CACNA2D3: variants seen among roughly 807,000 people sequenced by gnomAD.
CACNA2D3 encodes voltage-dependent calcium channel subunit alpha-2/delta-3.
Under a neutral mutation model 160.6 loss-of-function variants are expected in CACNA2D3, and 60 were observed. The observed-to-expected ratio is 0.37, with a 90% CI of 0.30 to 0.46. The LOEUF (loss-of-function observed/expected upper bound fraction) is 0.46. Among genes scored for constraint, CACNA2D3 ranks in the 20% least tolerant of loss-of-function variants. CACNA2D3 has a pLI of 1.00. For synonymous variants in CACNA2D3, 558 were observed against 492.9 expected, an observed-to-expected ratio of 1.13 and a Z score of -1.75; for missense variants, 1,205 against 1,365.0, an observed-to-expected ratio of 0.88 and a Z score of 1.85.
chr3:54,814,222 A>G (rs971886064), intron 13 of CACNA2D3, among the ~76,000 whole-genome samples: 4 of 152,178 alleles, frequency 2.6e-5, no homozygotes, highest in Non-Finnish European at 4.4e-5. Flanking sequence ...ATCCTTCTCA[A>G]CATAGCCCTT....
chr3:54,674,521 G>C (rs969884404), intron 11 of CACNA2D3, among the ~76,000 whole-genome samples: 3 of 152,192 alleles, frequency 2.0e-5, no homozygotes, highest in Non-Finnish European at 4.4e-5. Context: ...AATTTAAAGT[G>C]GGACTGGCCA....
At chr3:54,562,025 A>G (rs1056901793) in intron 5 of CACNA2D3, among the ~76,000 whole-genome samples, 10 of 152,168 alleles carry the variant, frequency 6.6e-5, no homozygotes, top group African/African-American at 2.2e-4. Context: ...CAGCACAGGA[A>G]AGACCTGCCC....
At chr3:54,842,068 T>G (rs1231572293) in intron 16 of CACNA2D3, among the ~76,000 whole-genome samples, 1 of 152,250 alleles carries the variant, frequency 6.6e-6, no homozygotes, top group Non-Finnish European at 1.5e-5. Flanking sequence ...AAAACTAATG[T>G]TGGACTTCGT....
intron 3 of CACNA2D3, among the ~76,000 whole-genome samples, chr3:54,372,333 T>G (rs900743141): frequency 6.6e-6 from 1 of 152,144 alleles, no homozygotes; most frequent in African/African-American, 2.4e-5. Context: ...AGAGGGTGGG[T>G]GGCAGAGAGG....
At chr3:54,169,292 AG>A (rs1387859217) in intron 2 of CACNA2D3, among the ~76,000 whole-genome samples, 1 of 152,220 alleles carries the variant, frequency 6.6e-6, no homozygotes, top group African/African-American at 2.4e-5. Context: ...TGCCTACCAC[AG>A]GGCTGTGGCC....
chr3:54,141,810 T>G (rs559023056), intron 2 of CACNA2D3, among the ~76,000 whole-genome samples: 1 of 152,354 alleles, frequency 6.6e-6, no homozygotes, highest in South Asian at 2.1e-4. Flanking sequence ...CTGAATTTGA[T>G]AATTTTATCC....
chr3:54,185,049 G>C (rs2107327775), intron 2 of CACNA2D3, among the ~76,000 whole-genome samples: 1 of 152,324 alleles, frequency 6.6e-6, no homozygotes, highest in South Asian at 2.1e-4. Flanking sequence ...TATGTTTCCT[G>C]TAAGTTCTGT....
chr3:54,806,443 CTCAT>C (rs1443036076), intron 13 of CACNA2D3, among the ~76,000 whole-genome samples: 1 of 152,182 alleles, frequency 6.6e-6, no homozygotes, highest in Non-Finnish European at 1.5e-5. Flanking sequence ...TGAGTGAACT[CTCAT>C]TCACAATTGC....
intron 13 of CACNA2D3, among the ~76,000 whole-genome samples, chr3:54,770,611 C>T (rs1407438449): frequency 1.3e-5 from 2 of 152,086 alleles, no homozygotes; most frequent in African/African-American, 2.4e-5. Context: ...GTCAGTTAAG[C>T]GCCCTTGGCA....
chr3:55,001,401 G>A (rs1702977058), intron 31 of CACNA2D3, among the ~76,000 whole-genome samples: 1 of 152,208 alleles, frequency 6.6e-6, no homozygotes, highest in Admixed American at 6.5e-5. Context: ...TATAACAGCA[G>A]CTATAGCTCT....
At chr3:54,548,759 G>A (rs1702106100) in intron 5 of CACNA2D3, among the ~76,000 whole-genome samples, 1 of 152,198 alleles carries the variant, frequency 6.6e-6, no homozygotes, top group South Asian at 2.1e-4. Context: ...CTGTGGGCAG[G>A]ACTTGCAAGT....
intron 2 of CACNA2D3, among the ~76,000 whole-genome samples, chr3:54,125,530 C>T (rs1036173268): frequency 2.6e-5 from 4 of 152,130 alleles, no homozygotes; most frequent in African/African-American, 9.7e-5. Context: ...CTTGGCATTG[C>T]GTTCCAGGGT....
At position 54,871,663 on chromosome 3, in the gene CACNA2D3, A is replaced by G. The variant is rs749351193; in HGVS notation, c.1710+41A>G. 6.1e-6 allele frequency: 9 copies of G among 1,471,970 alleles called. No individual in the cohort carries two copies. In the South Asian group the frequency reaches 1.0e-4, roughly 17 times the overall value. 91.2% of individuals were successfully genotyped at this position (1,471,970 alleles called of 1,614,324 possible). A position where few individuals can be genotyped will look rare whatever the true frequency, so the allele number is the denominator to read the frequency against. On this transcript the variant is annotated intron_variant, in intron 18 of 37. Transcript: ENST00000474759. ...TCAGGCCTCGTGGAGAAGGACCTGC[A>G]TTGTACCCACTTCTGTACCTGGGGG...
At position 54,494,666 on chromosome 3, in the gene CACNA2D3, AT is replaced by A. The variant is rs77329995; in HGVS notation, c.382-8824del. 5.2e-3 allele frequency among the ~76,000 whole-genome samples: 794 copies of A among 152,274 alleles called. 23 individuals carry two copies. The East Asian group carries it at 0.085, about 16-fold the overall frequency. ...AAGACTTCCTTCAACAGGGTGCTGT[AT>A]TAGTCTGTTTTCACACTGCTATAAA... is the stretch of plus-strand genomic sequence containing the variant. On this transcript the variant is annotated intron_variant, in intron 4 of 37. Transcript: ENST00000474759.
At chr3:54,609,069 A>G (rs938331045) in intron 9 of CACNA2D3, among the ~76,000 whole-genome samples, 1 of 152,210 alleles carries the variant, frequency 6.6e-6, no homozygotes, top group Non-Finnish European at 1.5e-5. Context: ...CTAATCTTTA[A>G]TGTGTATTTG....
At chr3:54,464,974 A>T (rs1009239831) in intron 4 of CACNA2D3, among the ~76,000 whole-genome samples, 2 of 152,056 alleles carry the variant, frequency 1.3e-5, no homozygotes, top group East Asian at 1.9e-4. Context: ...AACTTCCATA[A>T]TGTGAACATT....
intron 16 of CACNA2D3, among the ~76,000 whole-genome samples, chr3:54,839,516 C>T (rs996599209): frequency 5.3e-5 from 8 of 152,108 alleles, no homozygotes; most frequent in Admixed American, 2.0e-4. Context: ...TGCACAGGGG[C>T]GAACACCACA....
intron 2 of CACNA2D3, among the ~76,000 whole-genome samples, chr3:54,277,055 T>A (rs1462290563): frequency 6.6e-6 from 1 of 152,230 alleles, no homozygotes; most frequent in Non-Finnish European, 1.5e-5. Flanking sequence ...GTCCATGGCA[T>A]GGAGGTGGCA....
chr3:54,959,063 T>C (rs1183570121), intron 27 of CACNA2D3, among the ~76,000 whole-genome samples: 1 of 152,192 alleles, frequency 6.6e-6, no homozygotes, highest in Non-Finnish European at 1.5e-5. Flanking sequence ...ATCGCGCCAC[T>C]GCACTCCAGC....
Sources: gnomAD v4.1 joint callset for allele counts (sites outside exome capture counted in the v4.1 genomes callset) on GRCh38, gnomAD v4.1.1 for gene constraint, MANE v1.5 for transcripts, NCBI Gene and HGNC (gene_info 2026-07-23, HGNC 2026-07-21) for gene names.